The following FAM228B variants were observed in gnomAD, a reference collection of about 807,000 sequenced individuals.
FAM228B encodes protein FAM228B.
Under a neutral mutation model 42.6 loss-of-function variants are expected in FAM228B, and 38 were observed. The observed-to-expected ratio is 0.89, with a 90% CI of 0.69 to 1.17. The LOEUF (loss-of-function observed/expected upper bound fraction) is 1.17. Among genes scored for constraint, FAM228B ranks in the 50% most tolerant of loss-of-function variants. The pLI, the probability that FAM228B is intolerant of heterozygous loss-of-function variation, is 0.00. For missense variants in FAM228B, 344 were observed against 367.3 expected, an observed-to-expected ratio of 0.94 and a Z score of 0.52; for synonymous variants, 109 against 122.3, an observed-to-expected ratio of 0.89 and a Z score of 0.72.
rs1558357136 is a variant in FAM228B at position 24,077,654 on chromosome 2, G to A, written c.-290+685G>A. 1.9e-6 allele frequency: 3 copies of A among 1,614,068 alleles called. No homozygotes were observed. Among genetic ancestry groups the A allele is most frequent in the Admixed American group, 1.7e-5 (1 of 60,016 alleles). On this transcript the variant is annotated intron_variant, in intron 1 of 10. Coordinates refer to the FAM228B transcript ENST00000613899. This position sits in a 1 kb window ranked among gnomAD's most constrained non-coding sequence, Gnocchi z 5.5. ...TGTACTTATGGGCCTCCTGGATTTCGGTCACTGGGTAGATTCTGTCCAGAA... is the reference window on the plus strand; with the variant it reads ...TGTACTTATGGGCCTCCTGGATTTCAGTCACTGGGTAGATTCTGTCCAGAA...
rs1002717375 is a variant in FAM228B, at chr2:24,110,554, GGA to G, written c.-121+15333_-121+15334del. On this transcript the variant is annotated intron_variant, in intron 3 of 10. Transcript: ENST00000613899. ...TAAAAACCCTGGAACAACAAGGTTT[GGA>G]GAGAGAGCTTCTGGGCTGGCGAACA... Among the ~76,000 whole-genome samples, 3 of 152,198 alleles carry G rather than the reference GGA, an allele frequency of 2.0e-5. No homozygotes were observed. The East Asian group carries it at 5.8e-4, about 29-fold the overall frequency.
intron 2 of FAM228B, among the ~76,000 whole-genome samples, chr2:24,089,896 G>A (rs1573729809): frequency 6.6e-6 from 1 of 151,030 alleles, no homozygotes; most frequent in Non-Finnish European, 1.5e-5. Context: ...AATCACTCGA[G>A]GCAGAGGTTG....
chr2:24,155,424 G>T (rs758536414), intron 7 of FAM228B, among the ~76,000 whole-genome samples: 47 of 146,698 alleles, frequency 3.2e-4, no homozygotes, highest in Non-Finnish European at 6.0e-4. Context: ...CGGGTGACTG[G>T]CTTCTTCTAT....
At chr2:24,106,398 C>T (rs1000201539) in intron 3 of FAM228B, among the ~76,000 whole-genome samples, 2 of 146,374 alleles carry the variant, frequency 1.4e-5, no homozygotes, top group Admixed American at 6.9e-5. Context: ...CAGCTCACTG[C>T]AACCTCTACC....
chr2:24,128,096 C>A (rs1666360343), intron 2 of FAM228B, among the ~76,000 whole-genome samples: 1 of 152,174 alleles, frequency 6.6e-6, no homozygotes, highest in African/African-American at 2.4e-5. Context: ...CCGTGCATTT[C>A]ATTTTGGAAA....
chr2:24,162,780 A>T (rs947230998), intron 8 of FAM228B, among the ~76,000 whole-genome samples: 1 of 152,250 alleles, frequency 6.6e-6, no homozygotes, highest in African/African-American at 2.4e-5. Context: ...TGCAACATAG[A>T]CAAACTTCAA....
At chr2:24,093,346 G>T (rs996300329) in intron 2 of FAM228B, among the ~76,000 whole-genome samples, 1 of 147,068 alleles carries the variant, frequency 6.8e-6, no homozygotes, top group African/African-American at 2.5e-5. Context: ...GTCCCCCTCC[G>T]TGTGTCCACG....
chr2:24,097,906 A>G (rs1468087513), intron 3 of FAM228B, among the ~76,000 whole-genome samples: 1 of 152,228 alleles, frequency 6.6e-6, no homozygotes. Flanking sequence ...CAGCAAATGT[A>G]AAAGAACAGA....
intron 7 of FAM228B, among the ~76,000 whole-genome samples, chr2:24,149,353 G>A (rs1666970064): frequency 6.6e-6 from 1 of 152,206 alleles, no homozygotes; most frequent in Admixed American, 6.5e-5. Context: ...CAGTGTGCAA[G>A]CATTCCCTTT....
chr2:24,117,295 C>T (rs182189070), intron 3 of FAM228B, among the ~76,000 whole-genome samples: 12 of 151,784 alleles, frequency 7.9e-5, no homozygotes, highest in Admixed American at 5.2e-4. Flanking sequence ...GGATTACAGG[C>T]GTGAGCCACT....
intron 7 of FAM228B, among the ~76,000 whole-genome samples, chr2:24,150,633 C>T (rs11125453): frequency 0.54 from 81,465 of 151,802 alleles, 23,118 homozygotes; most frequent in East Asian, 0.74. Context: ...CCACATTGGC[C>T]AGGCTGGTCT....
At chr2:24,101,791 T>G (rs1665613780) in intron 3 of FAM228B, among the ~76,000 whole-genome samples, 1 of 152,222 alleles carries the variant, frequency 6.6e-6, no homozygotes, top group South Asian at 2.1e-4. Context: ...CACGCCATTC[T>G]TCCACCTCAG....
At chr2:24,155,017 G>T (rs1452833977) in intron 7 of FAM228B, among the ~76,000 whole-genome samples, 2 of 152,054 alleles carry the variant, frequency 1.3e-5, no homozygotes, top group African/African-American at 4.8e-5. Context: ...TGTCTACTTT[G>T]AGCATCATAA....
At chr2:24,168,260 A>G (rs6723257) in intron 10 of FAM228B, among the ~76,000 whole-genome samples, 89,825 of 152,014 alleles carry the variant, frequency 0.59, 27,681 homozygotes, top group East Asian at 0.74. Context: ...GTGAGTGTCA[A>G]AGAGAAGAAG....
chr2:24,093,107 CTA>C (rs1181782337), intron 2 of FAM228B, among the ~76,000 whole-genome samples: 1 of 152,178 alleles, frequency 6.6e-6, no homozygotes, highest in Non-Finnish European at 1.5e-5. Context: ...TGTCCCAAAA[CTA>C]TGTGTCCCCT....
intron 10 of FAM228B, 162 bp downstream of exon 10, chr2:24,167,845 C>G: frequency 1.3e-6 from 1 of 769,814 alleles, no homozygotes; most frequent in East Asian, 3.0e-5. Flanking sequence ...TGATCTATTT[C>G]AGTGTAAGGC....
chr2:24,144,728 G>A (rs1271882632), intron 5 of FAM228B, among the ~76,000 whole-genome samples: 2 of 152,082 alleles, frequency 1.3e-5, no homozygotes, highest in African/African-American at 4.8e-5. Context: ...CAGAGGACAG[G>A]CCCCACCTGC....
intron 7 of FAM228B, among the ~76,000 whole-genome samples, chr2:24,153,728 C>T (rs1558392525): frequency 1.3e-5 from 2 of 152,270 alleles, no homozygotes; most frequent in East Asian, 1.9e-4. Flanking sequence ...TCACGTGCCA[C>T]CCTAGTTTTC....
chr2:24,126,495 GTGTT>G (rs1172944828), intron 2 of FAM228B, among the ~76,000 whole-genome samples: 6 of 152,046 alleles, frequency 3.9e-5, no homozygotes, highest in South Asian at 4.1e-4. Flanking sequence ...CTTTGGCAAA[GTGTT>G]TGTTCAAATC....
Sources: gnomAD v4.1 joint callset for allele counts (sites outside exome capture counted in the v4.1 genomes callset) on GRCh38, gnomAD v4.1.1 for gene constraint, Gnocchi (gnomAD v3.1) non-coding constraint, MANE v1.5 for transcripts, NCBI Gene and HGNC (gene_info 2026-07-23, HGNC 2026-07-21) for gene names.